The following PCSK2 variants were observed in gnomAD, a reference collection of about 807,000 sequenced individuals.
PCSK2 encodes proprotein convertase subtilisin/kexin type 2.
PCSK2 carries 14 observed loss-of-function variants against 69.7 expected under a neutral mutation model. That is an observed-to-expected ratio of 0.20 (90% CI 0.13 to 0.31). PCSK2 has a LOEUF of 0.31. Ranked by LOEUF, PCSK2 falls within the 10% of genes least tolerant of loss-of-function variation. The probability of loss-of-function intolerance (pLI) is 1.00; values close to 1 mark genes in which losing one functional copy is unlikely to be tolerated. For synonymous variants in PCSK2, 307 were observed against 320.7 expected (o/e 0.96, Z 0.46); for missense variants, 544 against 842.5 (o/e 0.65, Z 4.39).
intron 2 of PCSK2, among the ~76,000 whole-genome samples, chr20:17,345,218 A>G (rs1208740510): frequency 6.6e-6 from 1 of 152,200 alleles, no homozygotes; most frequent in African/African-American, 2.4e-5. Flanking sequence ...CTCAAATCAC[A>G]TGATTTGTAC....
chr20:17,328,129 T>C (rs1357024237), intron 2 of PCSK2, among the ~76,000 whole-genome samples: 1 of 152,202 alleles, frequency 6.6e-6, no homozygotes, highest in Non-Finnish European at 1.5e-5. Context: ...AAGCTCATCA[T>C]GCATTCACCA....
chr20:17,277,377 A>G (rs1244087494), intron 2 of PCSK2, among the ~76,000 whole-genome samples: 2 of 152,310 alleles, frequency 1.3e-5, no homozygotes, highest in African/African-American at 4.8e-5. Flanking sequence ...AGATATATAG[A>G]CCAATGGAAC....
chr20:17,474,631 G>A (rs11696580), intron 11 of PCSK2, among the ~76,000 whole-genome samples: 5 of 152,136 alleles, frequency 3.3e-5, no homozygotes, highest in African/African-American at 4.8e-5. Flanking sequence ...TGAGCGTGGG[G>A]CTCCTGGGAG....
chr20:17,369,348 A>T lies in PCSK2; in HGVS notation c.543+71A>T, dbSNP rs375034528. 1,361 of 1,188,874 alleles carry T rather than the reference A, an allele frequency of 1.1e-3. 3 individuals are homozygous for T. Among genetic ancestry groups the T allele is most frequent in the Non-Finnish European group, 1.6e-3 (1,259 of 794,486 alleles). The allele number at this position is 1,188,874 out of a possible 1,614,324, so 73.6% of individuals were successfully genotyped here. A position where few individuals can be genotyped will look rare whatever the true frequency, so the allele number is the denominator to read the frequency against. ...GTCCTGGTGTCCCTGGCTATTAGGA[A>T]CATGCACATGTCTACATGTCTATAC... On this transcript the variant is annotated intron_variant, in intron 5 of 11. Transcript: ENST00000262545.
chr20:17,367,387 C>T (rs139412708), intron 4 of PCSK2, among the ~76,000 whole-genome samples: 32 of 152,266 alleles, frequency 2.1e-4, no homozygotes, highest in African/African-American at 7.2e-4. Flanking sequence ...TCTTGAAAAC[C>T]GCTTTGCAAA....
chr20:17,477,225 T>G (rs1026497316), intron 11 of PCSK2, among the ~76,000 whole-genome samples: 1 of 152,228 alleles, frequency 6.6e-6, no homozygotes, highest in African/African-American at 2.4e-5. Flanking sequence ...TAAAAATATT[T>G]TACTTATACT....
intron 2 of PCSK2, among the ~76,000 whole-genome samples, chr20:17,263,789 C>G (rs1353189166): frequency 2.0e-5 from 3 of 152,162 alleles, no homozygotes; most frequent in Admixed American, 1.3e-4. Context: ...TAATCATATT[C>G]ACAGTCGTGG....
intron 2 of PCSK2, among the ~76,000 whole-genome samples, chr20:17,319,200 C>T (rs182854918): frequency 3.9e-5 from 6 of 152,118 alleles, no homozygotes; most frequent in Admixed American, 3.9e-4. Context: ...AAGATAAAGA[C>T]AAAAAAGTTG....
intron 11 of PCSK2, chr20:17,479,275 T>C: frequency 9.7e-7 from 1 of 1,028,564 alleles, no homozygotes; most frequent in Non-Finnish European, 1.5e-6. Context: ...GGCAGATGTG[T>C]TAACGATAAT....
At chr20:17,344,873 C>G (rs1444176518) in intron 2 of PCSK2, among the ~76,000 whole-genome samples, 1 of 152,046 alleles carries the variant, frequency 6.6e-6, no homozygotes, top group African/African-American at 2.4e-5. Flanking sequence ...CTGTTGATTT[C>G]AGTAGCATTT....
At chr20:17,298,110 A>G (rs1988958265) in intron 2 of PCSK2, among the ~76,000 whole-genome samples, 1 of 152,186 alleles carries the variant, frequency 6.6e-6, no homozygotes, top group African/African-American at 2.4e-5. Flanking sequence ...TAAAATATAA[A>G]CATATTTTAA....
intron 2 of PCSK2, among the ~76,000 whole-genome samples, chr20:17,332,407 G>A (rs1990229080): frequency 6.6e-6 from 1 of 152,136 alleles, no homozygotes; most frequent in Non-Finnish European, 1.5e-5. Context: ...GAAATGCCCT[G>A]ATAGCCACCT....
chr20:17,258,419 G>T (rs935740216), intron 1 of PCSK2, among the ~76,000 whole-genome samples: 1 of 152,032 alleles, frequency 6.6e-6, no homozygotes, highest in Admixed American at 6.6e-5. Context: ...ATTTTTGAAG[G>T]TTCTTATTCT....
intron 2 of PCSK2, among the ~76,000 whole-genome samples, chr20:17,279,219 G>A (rs1043946580): frequency 1.3e-5 from 2 of 152,206 alleles, no homozygotes; most frequent in African/African-American, 4.8e-5. Flanking sequence ...TTTAATCTGC[G>A]TTCAAATCAA....
intron 1 of PCSK2, among the ~76,000 whole-genome samples, chr20:17,254,795 A>C (rs889485915): frequency 3.3e-5 from 5 of 152,248 alleles, no homozygotes; most frequent in African/African-American, 1.2e-4. Context: ...CATTTTAAAA[A>C]ATCCGTGAAC....
At chr20:17,389,091 A>G (rs956908313) in intron 5 of PCSK2, among the ~76,000 whole-genome samples, 2 of 151,808 alleles carry the variant, frequency 1.3e-5, no homozygotes, top group Non-Finnish European at 2.9e-5. Flanking sequence ...GCTTTTATTT[A>G]TTTAATCATT....
intron 11 of PCSK2, among the ~76,000 whole-genome samples, chr20:17,478,614 T>C (rs1373649360): frequency 1.3e-5 from 2 of 152,218 alleles, no homozygotes; most frequent in East Asian, 1.9e-4. Flanking sequence ...CCACTAAATA[T>C]TGTGTACAAC....
chr20:17,243,400 A>G (rs1986655839), intron 1 of PCSK2, among the ~76,000 whole-genome samples: 1 of 152,094 alleles, frequency 6.6e-6, no homozygotes, highest in Non-Finnish European at 1.5e-5. Flanking sequence ...AGGCCTGGCA[A>G]TGTTGCCCAG....
intron 2 of PCSK2, among the ~76,000 whole-genome samples, chr20:17,286,480 T>C (rs978378396): frequency 6.6e-6 from 1 of 152,136 alleles, no homozygotes; most frequent in African/African-American, 2.4e-5. Flanking sequence ...TTTTAGGAAA[T>C]TAAGCTTTTC....
Sources: allele counts gnomAD v4.1 joint callset (sites outside exome capture counted in the v4.1 genomes callset), GRCh38; gene constraint gnomAD v4.1.1; transcripts MANE v1.5; gene names NCBI Gene and HGNC (gene_info 2026-07-23, HGNC 2026-07-21).